The following SPICE1 variants were observed in gnomAD, a reference collection of about 807,000 sequenced individuals.
SPICE1 encodes the protein spindle and centriole associated protein 1.
In SPICE1, 75 loss-of-function variants were observed where a neutral mutation model predicts 102.7. That is an observed-to-expected ratio of 0.73 (90% CI 0.61 to 0.88). The LOEUF is 0.88. Among genes scored for constraint, SPICE1 ranks in the 40% least tolerant of loss-of-function variants. SPICE1 has a pLI of 0.00. For missense variants in SPICE1, 979 were observed against 1,020.1 expected (o/e 0.96, Z 0.55); for synonymous variants, 308 against 350.3 (o/e 0.88, Z 1.35).
intron 15 of SPICE1, chr3:113,449,821 C>A: frequency 6.5e-6 from 1 of 154,920 alleles, no homozygotes; most frequent in Non-Finnish European, 1.4e-5. Flanking sequence ...TTGATACATA[C>A]TTCGTTTCAT....
At chr3:113,514,366 C>A in intron 1 of SPICE1, 1 of 286,956 alleles carries the variant, frequency 3.5e-6, no homozygotes, top group Non-Finnish European at 6.9e-6. Context: ...TGAATCAATC[C>A]TACCTAAATA....
Position 113,459,390 on chromosome 3 carries a change from G to T in SPICE1, c.1435+1227C>A, listed in dbSNP as rs887477386. ...ACGACCCTGCCAAATCCCCCTCTCC[G>T]AGAAACACCCAAGAATGATCAATAA... On this transcript the variant is annotated intron_variant, in intron 12 of 17. Coordinates refer to ENST00000295872, the MANE Select transcript of SPICE1 (RefSeq NM_144718.4). 4.7e-6 allele frequency: 4 copies of T among 851,066 alleles called. No individual in the cohort carries two copies. The Admixed American group carries it at 2.5e-4, about 54-fold the overall frequency. 52.7% of individuals were successfully genotyped at this position (851,066 alleles called of 1,614,324 possible). A position where few individuals can be genotyped will look rare whatever the true frequency, so the allele number is the denominator to read the frequency against.
At position 113,499,557 on chromosome 3, in the gene SPICE1, G is replaced by A. The variant is rs374212056; in HGVS notation, c.173C>T (p.Ser58Leu). The A allele has an allele frequency of 5.0e-6, 8 of 1,609,886 alleles. No individual in the cohort carries two copies. Among genetic ancestry groups the A allele is most frequent in the African/African-American group, 1.3e-5 (1 of 74,558 alleles). Residue 58 changes from serine (S) to leucine (L), a missense_variant, in exon 4 of 18, where the codon TCG (serine) becomes TTG (leucine). Physicochemically the swap from Ser to Leu is moderately radical, Grantham distance 145. Transcript: ENST00000295872. ...CCAGTGTACTAATGCTCTATTCTTC[G>A]ATTTGTGTATTTCATGACGGCGTAC... is the stretch of plus-strand genomic sequence containing the variant. The part of the protein sequence containing the change: ...DLVRRHEIHK[S>L]KNRALVHWEL...
In SPICE1 at chr3:113,493,208, G is replaced by A. The variant is rs774984388; in HGVS notation, c.490C>T (p.Gln164Ter). ...TAGCTGTGAGTGGAACACATTACCT[G>A]AGGTTCTATGACAGACTCATTAAAG... ...SIFNESVIEP[Q>*]ALNDVDGEEE... Residue 164 changes from glutamine to a stop codon, truncating the protein, a stop_gained and splice_region_variant, in exon 6 of 18, where the codon CAG becomes TAG. Transcript: ENST00000295872. LOFTEE classifies it high-confidence loss of function. 8 of 1,591,160 alleles carry A rather than the reference G, an allele frequency of 5.0e-6. No individual in the cohort carries two copies. Among genetic ancestry groups the A allele is most frequent in the Non-Finnish European group, 6.8e-6 (8 of 1,169,402 alleles).
At chr3:113,463,457 T>C (rs542185188) in intron 11 of SPICE1, among the ~76,000 whole-genome samples, 4 of 152,330 alleles carry the variant, frequency 2.6e-5, no homozygotes, top group South Asian at 2.1e-4. Context: ...TGCAAAAATA[T>C]GTATATGAAT....
In SPICE1 at chr3:113,442,800, C is replaced by T. The variant is rs1173556690; in HGVS notation, c.*2507G>A. 1 of 152,024 alleles carries T rather than the reference C, an allele frequency of 6.6e-6. No homozygotes were observed. Among genetic ancestry groups the T allele is most frequent in the African/African-American group, 2.4e-5 (1 of 41,380 alleles). 9.4% of individuals were successfully genotyped at this position (152,024 alleles called of 1,614,324 possible). A position where few individuals can be genotyped will look rare whatever the true frequency, so the allele number is the denominator to read the frequency against. The stretch of plus-strand genomic sequence containing the variant: ...TTTATTTGCAATACTGAAATGTCCT[C>T]TTTAATCAAGATTTTCCAGGGCTTA... On this transcript the variant is annotated 3_prime_UTR_variant, in exon 18 of 18. Coordinates refer to ENST00000295872, the MANE Select transcript of SPICE1 (RefSeq NM_144718.4).
At chr3:113,494,004 G>A (rs937041090) in intron 5 of SPICE1, 45 bp downstream of exon 5, 1 of 1,302,510 alleles carries the variant, frequency 7.7e-7, no homozygotes, top group Admixed American at 2.0e-5. Context: ...GTCAACTGTG[G>A]GCTACAGTTA....
At chr3:113,514,008 T>C (rs1263373142) in intron 1 of SPICE1, among the ~76,000 whole-genome samples, 1 of 152,224 alleles carries the variant, frequency 6.6e-6, no homozygotes, top group African/African-American at 2.4e-5. Flanking sequence ...ATGCAGTAAG[T>C]AAAAGCTTCT....
At chr3:113,511,179 A>C (rs1320502374) in intron 1 of SPICE1, among the ~76,000 whole-genome samples, 1 of 152,268 alleles carries the variant, frequency 6.6e-6, no homozygotes, top group African/African-American at 2.4e-5. Flanking sequence ...AAATTAGTTC[A>C]ACCATTGTGG....
chr3:113,447,809 T>C, intron 16 of SPICE1, among the ~76,000 whole-genome samples: 1 of 152,208 alleles, frequency 6.6e-6, no homozygotes, highest in East Asian at 1.9e-4. Flanking sequence ...TACATACGTG[T>C]TATCTCACTT....
At chr3:113,501,784 G>A (rs755373409) in intron 3 of SPICE1, among the ~76,000 whole-genome samples, 2 of 152,194 alleles carry the variant, frequency 1.3e-5, no homozygotes, top group Non-Finnish European at 2.9e-5. Flanking sequence ...GAAACTGGAA[G>A]CCTCATACAT....
At chr3:113,461,986 C>T (rs1297335049) in intron 11 of SPICE1, among the ~76,000 whole-genome samples, 1 of 152,160 alleles carries the variant, frequency 6.6e-6, no homozygotes, top group East Asian at 1.9e-4. Context: ...CAAATTCCTC[C>T]TCAAGCCTTG....
chr3:113,495,567 T>A (rs1030288816), intron 4 of SPICE1, among the ~76,000 whole-genome samples: 3 of 152,096 alleles, frequency 2.0e-5, no homozygotes, highest in Non-Finnish European at 4.4e-5. Context: ...CAACAACCCT[T>A]CCCCAGCCCC....
chr3:113,484,944 G>C (rs1936608936), intron 7 of SPICE1, among the ~76,000 whole-genome samples: 2 of 152,100 alleles, frequency 1.3e-5, no homozygotes, highest in African/African-American at 4.8e-5. Context: ...TCATCGATCT[G>C]TCTAATACTG....
intron 1 of SPICE1, among the ~76,000 whole-genome samples, chr3:113,510,757 C>T (rs1457154480): frequency 2.0e-5 from 3 of 152,056 alleles, no homozygotes; most frequent in Non-Finnish European, 2.9e-5. Context: ...GAAAGCAAAA[C>T]TTAACAAATG....
At chr3:113,449,709 A>G (rs1009832191) in intron 15 of SPICE1, 1 of 152,370 alleles carries the variant, frequency 6.6e-6, no homozygotes. Context: ...ATTCCTGACA[A>G]TTAGAGCCTT....
At chr3:113,462,702 G>T (rs1413276890) in intron 11 of SPICE1, among the ~76,000 whole-genome samples, 1 of 152,124 alleles carries the variant, frequency 6.6e-6, no homozygotes, top group Non-Finnish European at 1.5e-5. Context: ...CAACAACTTA[G>T]TAAGTAGAAC....
chr3:113,476,455 G>T (rs7619838), intron 7 of SPICE1, among the ~76,000 whole-genome samples: 2 of 146,414 alleles, frequency 1.4e-5, no homozygotes, highest in East Asian at 4.0e-4. Context: ...ATATGGAACC[G>T]AAAAAGAGCC....
chr3:113,468,148 G>T lies in SPICE1; in HGVS notation c.1146C>A (p.Tyr382Ter). 1 of 1,614,172 alleles carries T rather than the reference G, an allele frequency of 6.2e-7. No individual in the cohort carries two copies. Among genetic ancestry groups the T allele is most frequent in the Non-Finnish European group, 8.5e-7 (1 of 1,180,036 alleles). ...LVSSLCRLVR[Y>*]LKESEIQLRK... Reference sequence around the variant, plus strand: ...AACCTAATGTCCTTACCTCTTTAAGGTACCGAACCAGGCGACAGAGGGAGC... The same window carrying T: ...AACCTAATGTCCTTACCTCTTTAAGTTACCGAACCAGGCGACAGAGGGAGC... The change falls in exon 10 of 18, where the codon TAC becomes TAA. Residue 382 changes from tyrosine (Y) to a stop codon, truncating the protein, a stop_gained. Coordinates refer to ENST00000295872, the MANE Select transcript of SPICE1 (RefSeq NM_144718.4). LOFTEE classifies it high-confidence loss of function.
Sources: allele counts gnomAD v4.1 joint callset (sites outside exome capture counted in the v4.1 genomes callset), GRCh38; gene constraint gnomAD v4.1.1; transcripts MANE v1.5; gene names NCBI Gene and HGNC (gene_info 2026-07-23, HGNC 2026-07-21).